CADM2: variants seen among roughly 807,000 people sequenced by gnomAD.
The protein encoded by CADM2 is cell adhesion molecule 2, also known as immunoglobulin superfamily member 4D.
CADM2 carries 12 observed loss-of-function variants against 49.8 expected under a neutral mutation model. That is an observed-to-expected ratio of 0.24 (90% CI 0.15 to 0.39). The LOEUF is 0.39. Among genes scored for constraint, CADM2 ranks in the 10% least tolerant of loss-of-function variants. CADM2 has a pLI of 1.00. For synonymous variants in CADM2, 214 were observed against 175.4 expected (o/e 1.22, Z -1.74); for missense variants, 378 against 492.3 (o/e 0.77, Z 2.20).
At chr3:85,724,036 CA>C (rs148742164) in intron 1 of CADM2, among the ~76,000 whole-genome samples, 1 of 151,610 alleles carries the variant, frequency 6.6e-6, no homozygotes, top group Non-Finnish European at 1.5e-5. Context: ...ACAATACACA[CA>C]AAAAATAACT....
chr3:86,028,882 C>T (rs1734234780), intron 8 of CADM2, among the ~76,000 whole-genome samples: 1 of 152,066 alleles, frequency 6.6e-6, no homozygotes, highest in South Asian at 2.1e-4. Flanking sequence ...GTAAAATGTC[C>T]CAGCACTTTA....
At chr3:85,327,971 A>T (rs1360715379) in intron 1 of CADM2, among the ~76,000 whole-genome samples, 1 of 152,190 alleles carries the variant, frequency 6.6e-6, no homozygotes, top group Non-Finnish European at 1.5e-5. Context: ...TTACACAGAA[A>T]TGTCTTTGAA....
intron 1 of CADM2, among the ~76,000 whole-genome samples, chr3:85,081,527 C>T (rs2037166206): frequency 1.3e-5 from 2 of 152,332 alleles, no homozygotes; most frequent in African/African-American, 4.8e-5. Context: ...ACTTTTTCTA[C>T]ACTTTGTGGA....
At chr3:85,261,433 C>T (rs1333015070) in intron 1 of CADM2, among the ~76,000 whole-genome samples, 1 of 152,134 alleles carries the variant, frequency 6.6e-6, no homozygotes, top group Non-Finnish European at 1.5e-5. Flanking sequence ...AGCGCCTGGC[C>T]TCTGATCAGT....
intron 1 of CADM2, among the ~76,000 whole-genome samples, chr3:85,053,841 G>A (rs2035975653): frequency 6.6e-6 from 1 of 151,876 alleles, no homozygotes; most frequent in Non-Finnish European, 1.5e-5. Context: ...CCACCCTCAT[G>A]TTTAATTAGT....
intron 2 of CADM2, among the ~76,000 whole-genome samples, chr3:85,781,187 A>G (rs1180421152): frequency 6.6e-6 from 1 of 152,204 alleles, no homozygotes; most frequent in Admixed American, 6.5e-5. Context: ...ATCCCCATCT[A>G]TTCTATCACG....
intron 1 of CADM2, among the ~76,000 whole-genome samples, chr3:85,427,078 A>G (rs1423040389): frequency 6.6e-6 from 1 of 150,478 alleles, no homozygotes; most frequent in Non-Finnish European, 1.5e-5. Context: ...TCTAAATTAT[A>G]TTTAATCTAC....
At chr3:85,605,116 A>C (rs1044066122) in intron 1 of CADM2, among the ~76,000 whole-genome samples, 30 of 152,052 alleles carry the variant, frequency 2.0e-4, no homozygotes, top group African/African-American at 6.5e-4. Flanking sequence ...CAGGGAATAG[A>C]TTTTGTACTC....
chr3:85,704,869 T>A (rs114517674), intron 1 of CADM2, among the ~76,000 whole-genome samples: 35,325 of 149,492 alleles, frequency 0.24, 5,069 homozygotes, highest in Non-Finnish European at 0.32. Context: ...TATTATTATT[T>A]TTTTTTTTTG....
chr3:86,035,022 T>C (rs1205091265), intron 8 of CADM2, among the ~76,000 whole-genome samples: 3 of 152,052 alleles, frequency 2.0e-5, no homozygotes, highest in Non-Finnish European at 4.4e-5. Flanking sequence ...CTACATGTAG[T>C]CTTCATGTTA....
chr3:85,690,120 A>G (rs1400813085), intron 1 of CADM2, among the ~76,000 whole-genome samples: 1 of 152,186 alleles, frequency 6.6e-6, no homozygotes, highest in Non-Finnish European at 1.5e-5. Flanking sequence ...AGGAGATAGT[A>G]CAGCCTTCTC....
At chr3:85,530,026 C>T (rs1034565090) in intron 1 of CADM2, among the ~76,000 whole-genome samples, 1 of 152,074 alleles carries the variant, frequency 6.6e-6, no homozygotes, top group South Asian at 2.1e-4. Context: ...CAAATTTCAT[C>T]TTGAATTGTA....
intron 1 of CADM2, among the ~76,000 whole-genome samples, chr3:85,044,770 G>C (rs1055065292): frequency 2.7e-5 from 4 of 150,110 alleles, no homozygotes; most frequent in African/African-American, 9.8e-5. Context: ...AAAAGTTTTA[G>C]TGTCTTTTTC....
intron 1 of CADM2, among the ~76,000 whole-genome samples, chr3:85,108,933 G>A (rs1481417030): frequency 6.6e-6 from 1 of 151,982 alleles, no homozygotes; most frequent in Non-Finnish European, 1.5e-5. Context: ...ACATAACTAG[G>A]TAGTTAACTA....
At chr3:85,854,142 GC>G (rs1369533285) in intron 3 of CADM2, among the ~76,000 whole-genome samples, 1 of 152,122 alleles carries the variant, frequency 6.6e-6, no homozygotes, top group Non-Finnish European at 1.5e-5. Flanking sequence ...GTACTTACTT[GC>G]TTATTTATCC....
chr3:85,955,165 G>A (rs1577767180), intron 7 of CADM2, among the ~76,000 whole-genome samples: 1 of 150,842 alleles, frequency 6.6e-6, no homozygotes, highest in South Asian at 2.1e-4. Context: ...ACAAGATGTT[G>A]TCTTGAATGT....
intron 1 of CADM2, among the ~76,000 whole-genome samples, chr3:85,378,241 A>G (rs1014399498): frequency 2.0e-5 from 3 of 152,018 alleles, no homozygotes; most frequent in Non-Finnish European, 4.4e-5. Flanking sequence ...GTCTCTGTCT[A>G]TCGTAGCCCT....
At position 86,074,237 on chromosome 3, in the gene CADM2, T is replaced by G. The variant is rs548378687; in HGVS notation, c.*7454T>G. 24 of 152,104 alleles carry G rather than the reference T, an allele frequency of 1.6e-4. No homozygotes were observed. The South Asian group carries it at 3.3e-3, about 21-fold the overall frequency. The allele number at this position is 152,104 out of a possible 1,614,324, so 9.4% of individuals were successfully genotyped here. A position where few individuals can be genotyped will look rare whatever the true frequency, so the allele number is the denominator to read the frequency against. On this transcript the variant is annotated 3_prime_UTR_variant, in exon 10 of 10. Coordinates refer to ENST00000383699, the MANE Select transcript of CADM2 (RefSeq NM_001167675.2). ...GCCAATAAGGATTTCAGATAAGCTT[T>G]TAAATTTATGGAGGATTTTCTTTGT...
intron 1 of CADM2, among the ~76,000 whole-genome samples, chr3:85,631,930 A>G (rs2064321040): frequency 6.6e-6 from 1 of 152,170 alleles, no homozygotes; most frequent in East Asian, 1.9e-4. Flanking sequence ...CCAAATACCA[A>G]CAAATTTACT....
Sources: gnomAD v4.1 joint callset for allele counts (sites outside exome capture counted in the v4.1 genomes callset) on GRCh38, gnomAD v4.1.1 for gene constraint, MANE v1.5 for transcripts, NCBI Gene and HGNC (gene_info 2026-07-23, HGNC 2026-07-21) for gene names.